Variants in FRAS1 observed in about 807,000 individuals in gnomAD.
FRAS1 encodes extracellular matrix organizing protein FRAS1.
Under a neutral mutation model 435.2 loss-of-function variants are expected in FRAS1, and 290 were observed. The observed-to-expected ratio is 0.67, with a 90% CI of 0.61 to 0.73. The LOEUF is 0.73. Ranked by LOEUF, FRAS1 falls within the 30% of genes least tolerant of loss-of-function variation. The pLI, the probability that FRAS1 is intolerant of heterozygous loss-of-function variation, is 0.00. For synonymous variants in FRAS1, 1,800 were observed against 1,851.0 expected (o/e 0.97, Z 0.71); for missense variants, 4,860 against 5,001.5 (o/e 0.97, Z 0.85).
At chr4:78,409,118 C>CA (rs35627834) in intron 31 of FRAS1, among the ~76,000 whole-genome samples, 8,900 of 94,258 alleles carry the variant, frequency 0.094, 1,372 homozygotes, top group African/African-American at 0.33. Context: ...GACCCTCTCT[C>CA]AAAAAAAAAA....
intron 70 of FRAS1, among the ~76,000 whole-genome samples, chr4:78,532,743 C>T (rs1366145735): frequency 6.6e-6 from 1 of 152,118 alleles, no homozygotes. Context: ...CAGTATTTTT[C>T]TGTGTCTGGC....
At chr4:78,125,883 C>T (rs1258507777) in intron 2 of FRAS1, among the ~76,000 whole-genome samples, 1 of 152,200 alleles carries the variant, frequency 6.6e-6, no homozygotes, top group Non-Finnish European at 1.5e-5. Flanking sequence ...AGCTTGAATG[C>T]CATGCTGGGA....
At chr4:78,523,880 G>C (rs9997583) in intron 69 of FRAS1, among the ~76,000 whole-genome samples, 78,924 of 151,668 alleles carry the variant, frequency 0.52, 20,610 homozygotes, top group South Asian at 0.59. Flanking sequence ...GGTTTCACGT[G>C]AAACCCAGCC....
chr4:78,251,533 A>G (rs984241674), intron 4 of FRAS1, among the ~76,000 whole-genome samples: 8 of 152,118 alleles, frequency 5.3e-5, no homozygotes, highest in African/African-American at 1.7e-4. Flanking sequence ...GAACTTGTTC[A>G]TCTTATAGCT....
intron 2 of FRAS1, among the ~76,000 whole-genome samples, chr4:78,067,403 T>C (rs1052755926): frequency 6.6e-6 from 1 of 152,160 alleles, no homozygotes; most frequent in Non-Finnish European, 1.5e-5. Context: ...AACTTTGCTA[T>C]GTGTTATTGT....
chr4:78,216,753 C>T (rs1365169636), intron 2 of FRAS1, among the ~76,000 whole-genome samples: 2 of 151,992 alleles, frequency 1.3e-5, no homozygotes, highest in Non-Finnish European at 2.9e-5. Flanking sequence ...ATAATATGGG[C>T]CTACATTGGA....
In FRAS1 at chr4:78,105,986, C is replaced by T. The variant is rs375245653; in HGVS notation, c.108+39970C>T. Reference sequence around the variant, plus strand: ...CTTTCCGAGTCAAAGAAAGGGGTGACGGATGCACCTGGAAAATCGGGTCAC... The same window carrying T: ...CTTTCCGAGTCAAAGAAAGGGGTGATGGATGCACCTGGAAAATCGGGTCAC... On this transcript the variant is annotated intron_variant, in intron 2 of 73. Coordinates refer to ENST00000512123, the MANE Select transcript of FRAS1 (RefSeq NM_025074.7). Among the ~76,000 whole-genome samples the T allele has an allele frequency of 1.3e-4, 17 of 134,412 alleles. 1 individual carries two copies. The highest frequency in any genetic ancestry group is 6.9e-4 in the South Asian group (3 of 4,366). 88.2% of individuals were successfully genotyped at this position (134,412 alleles called of 152,430 possible).
chr4:78,370,126 T>C, intron 23 of FRAS1, 142 bp downstream of exon 23: 1 of 693,198 alleles, frequency 1.4e-6, no homozygotes, highest in Admixed American at 3.2e-5. Flanking sequence ...TGTGTGTGTA[T>C]GTATATATTC....
chr4:78,140,510 T>C (rs1326340670), intron 2 of FRAS1, among the ~76,000 whole-genome samples: 2 of 152,148 alleles, frequency 1.3e-5, no homozygotes, highest in African/African-American at 4.8e-5. Flanking sequence ...ATTTGTAAAA[T>C]GATAATGCTG....
intron 2 of FRAS1, among the ~76,000 whole-genome samples, chr4:78,127,660 C>CA (rs201266520): frequency 2.5e-4 from 37 of 148,294 alleles, no homozygotes; most frequent in Non-Finnish European, 4.0e-4. Context: ...AACAAACAAA[C>CA]AACAACAACA....
chr4:78,266,360 G>A (rs977631376), intron 7 of FRAS1, among the ~76,000 whole-genome samples: 2 of 152,204 alleles, frequency 1.3e-5, no homozygotes, highest in South Asian at 4.1e-4. Flanking sequence ...TGTTTCATGT[G>A]GGAGGAGAAT....
Position 78,307,503 on chromosome 4 carries a change from C to T in FRAS1, c.1535-563C>T, listed in dbSNP as rs60608669. ...CAGTTTGATCTCAGCTAGCAATCAG[C>T]GAGACTCCGTGGGCGTAGGACTCTC... On this transcript the variant is annotated intron_variant, in intron 14 of 73. Transcript: ENST00000512123. 6.5e-4 allele frequency among the ~76,000 whole-genome samples: 99 copies of T among 152,268 alleles called. 1 individual carries two copies. Among genetic ancestry groups the T allele is most frequent in the African/African-American group, 2.2e-3 (91 of 41,562 alleles).
At chr4:78,118,765 C>T (rs993744614) in intron 2 of FRAS1, among the ~76,000 whole-genome samples, 2 of 152,176 alleles carry the variant, frequency 1.3e-5, no homozygotes, top group Non-Finnish European at 2.9e-5. Context: ...CCTTGCCCTT[C>T]CCGGGTGAGG....
At chr4:78,375,433 C>T (rs745980545) in intron 25 of FRAS1, among the ~76,000 whole-genome samples, 3 of 152,194 alleles carry the variant, frequency 2.0e-5, no homozygotes, top group Non-Finnish European at 4.4e-5. Context: ...GAGGAGGAAG[C>T]GTACCTAGAA....
rs1299875699 is a variant in FRAS1, at chr4:78,363,908, A to T, written c.2576A>T (p.Lys859Ile). The T allele has an allele frequency of 1.2e-6, 2 of 1,607,436 alleles. No individual in the cohort carries two copies. Among genetic ancestry groups the T allele is most frequent in the East Asian group, 4.5e-5 (2 of 44,804 alleles). ...GYYAERGACK[K>I]CHSSCRTCQG... Reference sequence around the variant, plus strand: ...TGTTGTGTCTCTTTTTCCTCTGCAGAATGCCACTCCTCCTGCAGAACCTGC... The same window carrying T: ...TGTTGTGTCTCTTTTTCCTCTGCAGTATGCCACTCCTCCTGCAGAACCTGC... Residue 859 changes from lysine to isoleucine, a missense_variant and splice_region_variant, in exon 22 of 74, where the codon AAA becomes ATA. Physicochemically the swap from Lys to Ile is moderately radical, Grantham distance 102. Transcript: ENST00000512123.
intron 47 of FRAS1, among the ~76,000 whole-genome samples, chr4:78,458,811 T>G (rs1719283647): frequency 6.6e-6 from 1 of 152,198 alleles, no homozygotes; most frequent in Admixed American, 6.6e-5. Context: ...CCATTTTATC[T>G]GCTACCTCTG....
At chr4:78,167,297 GC>G (rs1202495400) in intron 2 of FRAS1, among the ~76,000 whole-genome samples, 8 of 152,212 alleles carry the variant, frequency 5.3e-5, no homozygotes, top group African/African-American at 1.9e-4. Flanking sequence ...ACTTCTGGGA[GC>G]TCACAGTCTG....
intron 4 of FRAS1, among the ~76,000 whole-genome samples, chr4:78,251,663 T>C (rs1008562785): frequency 3.9e-5 from 6 of 152,202 alleles, no homozygotes; most frequent in Non-Finnish European, 8.8e-5. Context: ...CATTTAACCC[T>C]CAGAAGAGCC....
intron 15 of FRAS1, among the ~76,000 whole-genome samples, chr4:78,311,649 T>C (rs1026445203): frequency 6.6e-6 from 1 of 152,258 alleles, no homozygotes; most frequent in African/African-American, 2.4e-5. Flanking sequence ...AGTGCCGGGT[T>C]ACTTGCCAGA....
Sources: allele counts gnomAD v4.1 joint callset (sites outside exome capture counted in the v4.1 genomes callset), GRCh38; gene constraint gnomAD v4.1.1; transcripts MANE v1.5; gene names NCBI Gene and HGNC (gene_info 2026-07-23, HGNC 2026-07-21).